The following CNTD1 variants were observed in gnomAD, a reference collection of about 807,000 sequenced individuals.
The protein encoded by CNTD1 is cyclin N-terminal domain containing 1.
CNTD1 carries 17 observed loss-of-function variants against 36.3 expected under a neutral mutation model. The observed-to-expected ratio is 0.47, with a 90% CI of 0.32 to 0.70. The LOEUF (loss-of-function observed/expected upper bound fraction) is 0.70, where lower values mean the gene tolerates loss of function less well. CNTD1 is among the 30% of genes least tolerant of loss of function. The probability of loss-of-function intolerance (pLI) is 0.03; values close to 1 mark genes in which losing one functional copy is unlikely to be tolerated. For synonymous variants in CNTD1, 128 were observed against 153.3 expected (o/e 0.83, Z 1.22); for missense variants, 338 against 386.1 (o/e 0.88, Z 1.04).
At chr17:42,801,242 CATAA>C (rs1202702103) in intron 1 of CNTD1, among the ~76,000 whole-genome samples, 3 of 147,654 alleles carry the variant, frequency 2.0e-5, no homozygotes, top group Non-Finnish European at 4.5e-5. Context: ...AGACACACTA[CATAA>C]ATAAAGCAGG....
Position 42,811,163 on chromosome 17 carries a change from C to T in CNTD1, c.*1628C>T, listed in dbSNP as rs147384057. 739 of 405,968 alleles carry T rather than the reference C, an allele frequency of 1.8e-3. 6 individuals carry two copies. Among genetic ancestry groups the T allele is most frequent in the African/African-American group, 0.014 (695 of 48,684 alleles). The allele number at this position is 405,968 out of a possible 1,614,324, so 25.1% of individuals were successfully genotyped here. On this transcript the variant is annotated 3_prime_UTR_variant, in exon 7 of 7. Coordinates refer to ENST00000588408, the MANE Select transcript of CNTD1 (RefSeq NM_173478.3). ...GACACACACCCAAAGAGAAGAGAAGCCTGGAGTAGGGGTGAGTGAGGGTTA... is the reference window on the plus strand; with the variant it reads ...GACACACACCCAAAGAGAAGAGAAGTCTGGAGTAGGGGTGAGTGAGGGTTA...
At chr17:42,807,997 T>C in intron 6 of CNTD1, 133 bp downstream of exon 6, 1 of 632,004 alleles carries the variant, frequency 1.6e-6, no homozygotes, top group Non-Finnish European at 2.7e-6. Flanking sequence ...TGTGCAAGAT[T>C]TGAGAGGGAA....
rs2054906765 is a variant in CNTD1, at chr17:42,807,882, G to T, written c.822+18G>T. ...GGAGCCAGGTATGCACCACTGAGCA[G>T]GACCAGCATGGTGAGAATTCATTTA... On this transcript the variant is annotated intron_variant, in intron 6 of 6. Coordinates refer to ENST00000588408, the MANE Select transcript of CNTD1 (RefSeq NM_173478.3). 1 of 1,540,746 alleles carries T rather than the reference G, an allele frequency of 6.5e-7. No individual in the cohort carries two copies. Among genetic ancestry groups the T allele is most frequent in the African/African-American group, 1.4e-5 (1 of 73,354 alleles).
intron 1 of CNTD1, among the ~76,000 whole-genome samples, chr17:42,801,659 TTCA>T (rs2054798795): frequency 6.6e-6 from 1 of 150,518 alleles, no homozygotes; most frequent in South Asian, 2.1e-4. Context: ...TTGTAGACTA[TTCA>T]AAGAGTAGGT....
chr17:42,805,888 T>A lies in CNTD1; in HGVS notation c.580+4T>A. ...GAGACGCTCCTAGAGGTTTTAGGTATCTTACTGTGTTAGGGAATATGGGTT... is the reference window on the plus strand; with the variant it reads ...GAGACGCTCCTAGAGGTTTTAGGTAACTTACTGTGTTAGGGAATATGGGTT... On this transcript the variant is annotated splice_donor_region_variant and intron_variant, in intron 4 of 6. Transcript: ENST00000588408. 1 of 1,607,948 alleles carries A rather than the reference T, an allele frequency of 6.2e-7. No homozygotes were observed. The highest frequency in any genetic ancestry group is 8.5e-7 in the Non-Finnish European group (1 of 1,177,356).
At chr17:42,800,556 A>C in intron 1 of CNTD1, among the ~76,000 whole-genome samples, 1 of 152,206 alleles carries the variant, frequency 6.6e-6, no homozygotes, top group Non-Finnish European at 1.5e-5. Context: ...TAGGAAACCA[A>C]GAAGACATTG....
upstream of CNTD1, chr17:42,798,794 A>C: frequency 6.8e-7 from 1 of 1,460,040 alleles, no homozygotes; most frequent in East Asian, 2.5e-5. Flanking sequence ...TGCGGGGCAG[A>C]GCCGCGGTTC....
Position 42,805,894 on chromosome 17 carries a change from T to G in CNTD1, c.580+10T>G. ...CTCCTAGAGGTTTTAGGTATCTTACTGTGTTAGGGAATATGGGTTGGAGAC... is the reference window on the plus strand; with the variant it reads ...CTCCTAGAGGTTTTAGGTATCTTACGGTGTTAGGGAATATGGGTTGGAGAC... On this transcript the variant is annotated intron_variant, in intron 4 of 6. Transcript: ENST00000588408. 6.2e-7 allele frequency: 1 copy of G among 1,604,424 alleles called. No individual in the cohort carries two copies. Among genetic ancestry groups the G allele is most frequent in the Non-Finnish European group, 8.5e-7 (1 of 1,175,634 alleles).
At chr17:42,801,543 ATATAAT>A (rs1314837288) in intron 1 of CNTD1, among the ~76,000 whole-genome samples, 2 of 50,440 alleles carry the variant, frequency 4.0e-5, no homozygotes, top group African/African-American at 8.7e-5. Context: ...ATATATATAT[ATATAAT>A]ATATGTGTGT....
chr17:42,806,972 G>A (rs1049482056), intron 5 of CNTD1, among the ~76,000 whole-genome samples, 154 bp downstream of exon 5: 2 of 152,138 alleles, frequency 1.3e-5, no homozygotes, highest in African/African-American at 4.8e-5. Flanking sequence ...TATGTTGTTT[G>A]GATGCAGGTG....
In CNTD1 at chr17:42,809,570, C is replaced by A. The variant is rs767035088; in HGVS notation, c.*35C>A. 1.9e-5 allele frequency: 30 copies of A among 1,583,050 alleles called. No homozygotes were observed. The highest frequency in any genetic ancestry group is 3.4e-5 in the Admixed American group (2 of 59,288). ...AATCCACCAAATATAAACAGCCATCCGTCACTGCACTCATGCCTCCCTCTG... is the reference window on the plus strand; with the variant it reads ...AATCCACCAAATATAAACAGCCATCAGTCACTGCACTCATGCCTCCCTCTG... On this transcript the variant is annotated 3_prime_UTR_variant, in exon 7 of 7. Transcript: ENST00000588408.
rs2054952397 is a variant in CNTD1, at chr17:42,809,689, A to T, written c.*154A>T. On this transcript the variant is annotated 3_prime_UTR_variant, in exon 7 of 7. Coordinates refer to ENST00000588408, the MANE Select transcript of CNTD1 (RefSeq NM_173478.3). ...TGCTTATTTTTCCTTTATCAGAGAG[A>T]GTTAAGGTGGACGAGCATGCCCTTT... 1 of 668,680 alleles carries T rather than the reference A, an allele frequency of 1.5e-6. No individual in the cohort carries two copies. The highest frequency in any genetic ancestry group is 2.4e-6 in the Non-Finnish European group (1 of 411,644). 41.4% of individuals were successfully genotyped at this position (668,680 alleles called of 1,614,324 possible).
rs142795232 is a variant in CNTD1 at position 42,806,774 on chromosome 17, G to C, written c.681G>C (p.Leu227=). 100 of 1,613,988 alleles carry C rather than the reference G, an allele frequency of 6.2e-5. No individual in the cohort carries two copies. The highest frequency in any genetic ancestry group is 8.1e-5 in the Non-Finnish European group (95 of 1,180,018). ...TGCATGAACCCATATATGAGAGCCT[G>C]TTGAGGGCTTCAATTGAGAACTCCA... The part of the protein sequence containing the change: ...YLLHEPIYES[L]LRASIENSTP... The change falls in exon 5 of 7, where the codon CTG becomes CTC. Residue 227 remains leucine, a synonymous_variant. Coordinates refer to ENST00000588408, the MANE Select transcript of CNTD1 (RefSeq NM_173478.3).
intron 1 of CNTD1, among the ~76,000 whole-genome samples, chr17:42,801,658 A>C (rs1374228551): frequency 6.6e-6 from 1 of 150,560 alleles, no homozygotes; most frequent in Non-Finnish European, 1.5e-5. Flanking sequence ...CTTGTAGACT[A>C]TTCAAAGAGT....
At chr17:42,806,937 G>A in intron 5 of CNTD1, 119 bp downstream of exon 5, 2 of 884,176 alleles carry the variant, frequency 2.3e-6, no homozygotes, top group Non-Finnish European at 3.4e-6. Flanking sequence ...ACCTACTCAG[G>A]CTACCTGGTT....
rs1360831741 is a variant in CNTD1 at position 42,801,538 on chromosome 17, TATATATATA to T, written c.170-2075_170-2067del. Among the ~76,000 whole-genome samples, 53 of 77,098 alleles carry T rather than the reference TATATATATA, an allele frequency of 6.9e-4. 1 individual carries two copies. The highest frequency in any genetic ancestry group is 2.7e-3 in the African/African-American group (47 of 17,444). The allele number at this position is 77,098 out of a possible 152,430, so 50.6% of individuals were successfully genotyped here. On this transcript the variant is annotated intron_variant, in intron 1 of 6. Coordinates refer to ENST00000588408, the MANE Select transcript of CNTD1 (RefSeq NM_173478.3). ...ATATATATATATATATATATATATA[TATATATATA>T]ATATATGTGTGTGTGTGTGTGTGTG...
At chr17:42,798,787 G>T (rs551890376), upstream of CNTD1, 20 of 1,467,162 alleles carry the variant, frequency 1.4e-5, no homozygotes, top group African/African-American at 2.5e-4. Context: ...TGCCCTTTGC[G>T]GGGCAGAGCC....
chr17:42,811,064 T>C lies in CNTD1; in HGVS notation c.*1529T>C. 1.0e-6 allele frequency: 1 copy of C among 977,396 alleles called. No homozygotes were observed. The highest frequency in any genetic ancestry group is 1.4e-6 in the Non-Finnish European group (1 of 703,914). 60.5% of individuals were successfully genotyped at this position (977,396 alleles called of 1,614,324 possible). On this transcript the variant is annotated 3_prime_UTR_variant, in exon 7 of 7. Transcript: ENST00000588408. Reference sequence around the variant, plus strand: ...CTTGGTGAGGAATGATAGTGTATTTTGGATTTGCTTGAAAGCCAAAAATCA... The same window carrying C: ...CTTGGTGAGGAATGATAGTGTATTTCGGATTTGCTTGAAAGCCAAAAATCA...
chr17:42,801,510 A>AAAAATATATAT (rs1289580717), intron 1 of CNTD1, among the ~76,000 whole-genome samples: 3 of 54,356 alleles, frequency 5.5e-5, no homozygotes, highest in Non-Finnish European at 8.9e-5. Flanking sequence ...AAAAAAAAAA[A>AAAAATATATAT]ATATATATAT....
Sources: gnomAD v4.1 joint callset for allele counts (sites outside exome capture counted in the v4.1 genomes callset) on GRCh38, gnomAD v4.1.1 for gene constraint, MANE v1.5 for transcripts, NCBI Gene and HGNC (gene_info 2026-07-23, HGNC 2026-07-21) for gene names.